Variants in RPL18 observed in about 807,000 individuals in gnomAD.
RPL18 encodes ribosomal protein L18.
Under a neutral mutation model 25.0 loss-of-function variants are expected in RPL18, and 4 were observed. The observed-to-expected ratio is 0.16, with a 90% CI of 0.08 to 0.37. RPL18 has a LOEUF of 0.37. RPL18 is among the 10% of genes least tolerant of loss of function. The pLI, the probability that RPL18 is intolerant of heterozygous loss-of-function variation, is 1.00. For synonymous variants in RPL18, 129 were observed against 101.6 expected (o/e 1.27, Z -1.62); for missense variants, 179 against 267.9 (o/e 0.67, Z 2.32).
intron 6 of RPL18, 161 bp downstream of exon 6, chr19:48,615,716 G>A: frequency 1.4e-6 from 1 of 700,404 alleles, no homozygotes; most frequent in Non-Finnish European, 2.5e-6. Flanking sequence ...ACAGCTCCAA[G>A]CAGTGTTGAA....
At chr19:48,616,405 C>T in intron 4 of RPL18, 3 of 674,452 alleles carry the variant, frequency 4.4e-6, no homozygotes, top group South Asian at 1.9e-5. Context: ...ATGCTAGAAA[C>T]TACAGCAAGG....
intron 6 of RPL18, 99 bp from the exon 7 acceptor site, chr19:48,615,546 G>T: frequency 1.1e-6 from 1 of 947,566 alleles, no homozygotes. Flanking sequence ...AGCCCCAGGA[G>T]AGTCAATGCT....
intron 6 of RPL18, 119 bp from the exon 7 acceptor site, chr19:48,615,566 G>A: frequency 1.2e-6 from 1 of 856,224 alleles, no homozygotes; most frequent in Non-Finnish European, 1.9e-6. Context: ...TGCTGGAAAA[G>A]CTTGGCAGAG....
intron 4 of RPL18, 27 bp downstream of exon 4, chr19:48,616,699 G>A (rs767726422): frequency 2.2e-6 from 3 of 1,382,744 alleles, no homozygotes; most frequent in African/African-American, 1.5e-5. Flanking sequence ...AGGGTCTGAT[G>A]GGTCTGCCCA....
Position 48,618,084 on chromosome 19 carries a change from G to C in RPL18, c.4-207C>G, listed in dbSNP as rs1974238826. Reference sequence around the variant, plus strand: ...CAAAGCCTTCAGCCCATGGCACACAGAACCCTGAAACATCGTAACACAGCA... The same window carrying C: ...CAAAGCCTTCAGCCCATGGCACACACAACCCTGAAACATCGTAACACAGCA... On this transcript the variant is annotated intron_variant, in intron 1 of 6. Transcript: ENST00000549920. 6.0e-6 allele frequency: 3 copies of C among 499,714 alleles called. No homozygotes were observed. The East Asian group carries it at 9.9e-5, about 17-fold the overall frequency. 31.0% of individuals were successfully genotyped at this position (499,714 alleles called of 1,614,324 possible).
At position 48,617,359 on chromosome 19, in the gene RPL18, A is replaced by C. The variant is rs1974205232; in HGVS notation, c.155T>G (p.Phe52Cys). ...AGGCGGCCGGTTGGTGCGACTCATA[A>C]ACAACCTCTTCAACACAACCTGGTT... is the stretch of plus-strand genomic sequence containing the variant. ...TFNQVVLKRL[F>C]MSRTNRPPLS... Residue 52 changes from phenylalanine to cysteine, a missense_variant, in exon 3 of 7, where the codon TTT (phenylalanine) becomes TGT (cysteine). Physicochemically the swap from Phe to Cys is radical, Grantham distance 205. Transcript: ENST00000549920. 1.2e-6 allele frequency: 2 copies of C among 1,614,064 alleles called. No homozygotes were observed. Among genetic ancestry groups the C allele is most frequent in the South Asian group, 2.2e-5 (2 of 91,084 alleles).
intron 4 of RPL18, chr19:48,616,521 A>C: frequency 1.4e-6 from 1 of 704,576 alleles, no homozygotes; most frequent in Non-Finnish European, 2.6e-6. Flanking sequence ...AACTTGCCCC[A>C]GAAGAAGCTT....
chr19:48,617,333 G>C lies in RPL18; in HGVS notation c.181C>G (p.Leu61Val), dbSNP rs759454766. ...CCACTCACCATCCGGGAAAGGGACA[G>C]AGGCGGCCGGTTGGTGCGACTCATA... Reference protein sequence around the residue: ...LFMSRTNRPPLSLSRMIRKMK... With the variant: ...LFMSRTNRPPVSLSRMIRKMK... The change falls in exon 3 of 7, where the codon CTG becomes GTG. Residue 61 changes from leucine (L) to valine (V), a missense_variant. By Grantham distance (32) the Leu-to-Val change is conservative (BLOSUM62 1). Coordinates refer to ENST00000549920, the MANE Select transcript of RPL18 (RefSeq NM_000979.4). 3.5e-5 allele frequency: 56 copies of C among 1,614,110 alleles called. 1 individual carries two copies. In the South Asian group the frequency reaches 6.1e-4, roughly 18 times the overall value.
intron 1 of RPL18, 39 bp from the exon 2 acceptor site, chr19:48,617,916 C>G (rs1189218255): frequency 7.1e-7 from 1 of 1,407,152 alleles, no homozygotes; most frequent in East Asian, 2.3e-5. Flanking sequence ...CCAATTACCC[C>G]CAACCATAGC....
At chr19:48,616,667 C>G in intron 4 of RPL18, 59 bp downstream of exon 4, 1 of 1,180,996 alleles carries the variant, frequency 8.5e-7, no homozygotes, top group Non-Finnish European at 1.3e-6. Context: ...CACAGCACAG[C>G]ACAGCACAGC....
At chr19:48,617,508 G>A (rs1039832071) in intron 2 of RPL18, 85 bp from the exon 3 acceptor site, 12 of 1,018,712 alleles carry the variant, frequency 1.2e-5, no homozygotes, top group African/African-American at 6.3e-5. Context: ...ATGATGATCT[G>A]GACTAAAATA....
chr19:48,615,833 G>C, intron 6 of RPL18, 44 bp downstream of exon 6: 1 of 1,542,868 alleles, frequency 6.5e-7, no homozygotes, highest in Non-Finnish European at 8.8e-7. Context: ...TGGCCCTGCA[G>C]GCTGAGTCTG....
chr19:48,616,501 A>C, intron 4 of RPL18: 2 of 698,902 alleles, frequency 2.9e-6, no homozygotes, highest in Non-Finnish European at 5.2e-6. Context: ...GGCCAGCACT[A>C]ACAGTTTACA....
chr19:48,619,009 G>C (rs879700622), intron 1 of RPL18, 132 bp downstream of exon 1: 1 of 926,594 alleles, frequency 1.1e-6, no homozygotes, highest in Non-Finnish European at 1.7e-6. Context: ...CCCCAGAGTA[G>C]GTCCCCAGTA....
chr19:48,616,373 T>C (rs1974172280), intron 4 of RPL18, 171 bp from the exon 5 acceptor site: 2 of 739,266 alleles, frequency 2.7e-6, no homozygotes, highest in Non-Finnish European at 4.4e-6. Flanking sequence ...TCCGGAACTT[T>C]CACCACCACA....
At chr19:48,616,447 T>G in intron 4 of RPL18, 1 of 654,944 alleles carries the variant, frequency 1.5e-6, no homozygotes, top group Non-Finnish European at 2.7e-6. Context: ...TGTGCAGAGG[T>G]GACAAAGGAG....
chr19:48,617,089 C>T (rs993498849), intron 3 of RPL18: 2 of 704,578 alleles, frequency 2.8e-6, no homozygotes, highest in African/African-American at 3.5e-5. Context: ...CCTGAAGCCA[C>T]CAGGACACCT....
At chr19:48,616,616 A>C (rs1428137833) in intron 4 of RPL18, 110 bp downstream of exon 4, 4 of 833,840 alleles carry the variant, frequency 4.8e-6, no homozygotes, top group Non-Finnish European at 8.2e-6. Context: ...TGCTTGCCTC[A>C]CCAGCGGTGG....
At chr19:48,617,264 A>T in intron 3 of RPL18, 52 bp downstream of exon 3, 2 of 1,405,402 alleles carry the variant, frequency 1.4e-6, no homozygotes, top group South Asian at 1.2e-5. Flanking sequence ...TTCCAGACAG[A>T]CAAGACCCAG....
Sources: gnomAD v4.1 joint callset for allele counts on GRCh38, gnomAD v4.1.1 for gene constraint, MANE v1.5 for transcripts, NCBI Gene and HGNC (gene_info 2026-07-23, HGNC 2026-07-21) for gene names.